Variants in SLC16A9 observed in about 807,000 individuals in gnomAD.
The protein encoded by SLC16A9 is monocarboxylate transporter 9.
A neutral mutation model predicts 44.3 loss-of-function variants in SLC16A9; 26 were observed. The ratio of observed to expected loss-of-function variants is 0.59; its 90% CI spans 0.43 to 0.81. The LOEUF (loss-of-function observed/expected upper bound fraction) is 0.81, where lower values mean the gene tolerates loss of function less well. SLC16A9 is among the 40% of genes least tolerant of loss of function. SLC16A9 has a pLI of 0.00. For missense variants in SLC16A9, 559 were observed against 595.8 expected (o/e 0.94, Z 0.64); for synonymous variants, 230 against 225.1 (o/e 1.02, Z -0.19).
chr10:59,701,164 C>T (rs1334794720), intron 1 of SLC16A9, among the ~76,000 whole-genome samples: 2 of 152,336 alleles, frequency 1.3e-5, no homozygotes, highest in East Asian at 3.9e-4. Context: ...AAAGCCTCCA[C>T]TTCATTGCAT....
At chr10:59,684,037 T>G in intron 2 of SLC16A9, 59 bp downstream of exon 2, 1 of 1,390,670 alleles carries the variant, frequency 7.2e-7, no homozygotes, top group Non-Finnish European at 9.9e-7. Flanking sequence ...ATGTTCATGA[T>G]GTAGTAAATG....
intron 1 of SLC16A9, among the ~76,000 whole-genome samples, chr10:59,695,778 A>G (rs1471192122): frequency 1.3e-5 from 2 of 152,232 alleles, no homozygotes; most frequent in Non-Finnish European, 2.9e-5. Context: ...AATCTGAACA[A>G]TGAGAAAAAA....
chr10:59,678,546 C>CTTTTTTTTTTCTTTTTTTTTT (rs751112027), intron 2 of SLC16A9, among the ~76,000 whole-genome samples: 1 of 30,620 alleles, frequency 3.3e-5, no homozygotes, highest in Non-Finnish European at 7.1e-5. Flanking sequence ...TTTTCTTTTT[C>CTTTTTTTTTTCTTTTTTTTTT]TTTTTTTTGA....
chr10:59,652,824 A>T lies in SLC16A9; in HGVS notation c.1478T>A (p.Leu493His). Residue 493 changes from leucine to histidine, a missense_variant, in exon 6 of 6, where the codon CTC becomes CAC. Transcript: ENST00000395348. The part of the protein sequence containing the change: ...LPSWDTCNKQ[L>H]PKPAPTTFLY... ...GAAAGTTGTTGGAGCTGGCTTGGGG[A>T]GTTGCTTGTTGCATGTATCCCAAGA... 1 of 1,613,918 alleles carries T rather than the reference A, an allele frequency of 6.2e-7. No homozygotes were observed. The highest frequency in any genetic ancestry group is 1.3e-5 in the African/African-American group (1 of 75,030).
At chr10:59,707,940 T>G (rs2132562346) in intron 1 of SLC16A9, among the ~76,000 whole-genome samples, 1 of 152,350 alleles carries the variant, frequency 6.6e-6, no homozygotes, top group East Asian at 1.9e-4. Context: ...TGTCTTGATC[T>G]ACCTCCCCAT....
At chr10:59,684,021 T>C (rs1840076693) in intron 2 of SLC16A9, 75 bp downstream of exon 2, 2 of 1,256,202 alleles carry the variant, frequency 1.6e-6, no homozygotes, top group Admixed American at 2.2e-5. Context: ...CTCTCTGCCT[T>C]GCACAATGTT....
chr10:59,666,518 G>C (rs1225265851), intron 3 of SLC16A9, among the ~76,000 whole-genome samples: 1 of 152,094 alleles, frequency 6.6e-6, no homozygotes, highest in East Asian at 1.9e-4. Flanking sequence ...TGGTGCAAAA[G>C]AGATGCTGAG....
intron 1 of SLC16A9, among the ~76,000 whole-genome samples, chr10:59,698,151 T>C (rs1840443392): frequency 6.6e-6 from 1 of 152,232 alleles, no homozygotes; most frequent in Non-Finnish European, 1.5e-5. Flanking sequence ...AACTGGTTAC[T>C]GGATTATTTA....
chr10:59,684,075 G>C, intron 2 of SLC16A9, 21 bp downstream of exon 2: 1 of 1,590,840 alleles, frequency 6.3e-7, no homozygotes, highest in East Asian at 2.2e-5. Context: ...AGTAAAGAGA[G>C]GCATTAATTT....
chr10:59,672,954 C>T (rs1839786587), intron 2 of SLC16A9, 41 bp from the exon 3 acceptor site: 1 of 1,562,278 alleles, frequency 6.4e-7, no homozygotes, highest in Non-Finnish European at 8.7e-7. Context: ...ATCATATGAT[C>T]CATCCATCAT....
intron 4 of SLC16A9, among the ~76,000 whole-genome samples, chr10:59,656,731 A>G (rs1218112127): frequency 6.6e-6 from 1 of 152,322 alleles, no homozygotes; most frequent in East Asian, 1.9e-4. Flanking sequence ...AAATATAGCC[A>G]TGGTGGTTTG....
intron 1 of SLC16A9, among the ~76,000 whole-genome samples, chr10:59,694,042 A>G (rs1419530126): frequency 6.6e-6 from 1 of 151,690 alleles, no homozygotes; most frequent in Non-Finnish European, 1.5e-5. Context: ...GGTTCAGGCC[A>G]TTCTCCTGCC....
chr10:59,673,914 C>T (rs1450476708), intron 2 of SLC16A9, among the ~76,000 whole-genome samples: 1 of 152,138 alleles, frequency 6.6e-6, no homozygotes, highest in African/African-American at 2.4e-5. Flanking sequence ...AAATGAAAGA[C>T]ACCCAACATA....
rs1186125956 is a variant in SLC16A9, at chr10:59,681,464, G to GTATGTA, written c.196+2626_196+2631dup. Among the ~76,000 whole-genome samples the GTATGTA allele has an allele frequency of 7.4e-3, 25 of 3,392 alleles. 10 individuals carry two copies. The highest frequency in any genetic ancestry group is 8.6e-3 in the African/African-American group (23 of 2,688). The allele number at this position is 3,392 out of a possible 152,430, so 2.2% of individuals were successfully genotyped here. On this transcript the variant is annotated intron_variant, in intron 2 of 5. Transcript: ENST00000395348. ...TATATGTATATGTGTATGTGTATGT[G>GTATGTA]TATGTATATGTATATGTATATGTAT...
At position 59,694,801 on chromosome 10, in the gene SLC16A9, A is replaced by AATATATATATGT. The variant is rs527951124; in HGVS notation, c.-36-10475_-36-10474insACATATATATAT. Among the ~76,000 whole-genome samples the AATATATATATGT allele has an allele frequency of 2.8e-5, 2 of 72,462 alleles. 1 individual carries two copies. Among genetic ancestry groups the AATATATATATGT allele is most frequent in the Non-Finnish European group, 6.4e-5 (2 of 31,032 alleles). 47.5% of individuals were successfully genotyped at this position (72,462 alleles called of 152,430 possible). ...GGTAACAGAGCGAGACTCCATCTCA[A>AATATATATATGT]ATATATATATATATATACACACACA... is the stretch of plus-strand genomic sequence containing the variant. On this transcript the variant is annotated intron_variant, in intron 1 of 5. Coordinates refer to ENST00000395348, the MANE Select transcript of SLC16A9 (RefSeq NM_194298.3).
chr10:59,653,075 C>T, intron 5 of SLC16A9, 125 bp from the exon 6 acceptor site: 3 of 642,254 alleles, frequency 4.7e-6, no homozygotes, highest in Non-Finnish European at 7.1e-6. Context: ...CTACTTCCAG[C>T]GTGGTTTACT....
rs1352158445 is a variant in SLC16A9 at position 59,681,717 on chromosome 10, TATG to T, written c.196+2376_196+2378del. Among the ~76,000 whole-genome samples, 56 of 10,118 alleles carry T rather than the reference TATG, an allele frequency of 5.5e-3. 4 individuals carry two copies. The East Asian group carries it at 0.08, about 14-fold the overall frequency. The allele number at this position is 10,118 out of a possible 152,430, so 6.6% of individuals were successfully genotyped here. A position where few individuals can be genotyped will look rare whatever the true frequency, so the allele number is the denominator to read the frequency against. ...ATATATATATGTATATGTATATGTA[TATG>T]ATGTATATGTATATGTATATGATGT... On this transcript the variant is annotated intron_variant, in intron 2 of 5. Coordinates refer to ENST00000395348, the MANE Select transcript of SLC16A9 (RefSeq NM_194298.3).
At chr10:59,689,162 A>C (rs1231574688) in intron 1 of SLC16A9, among the ~76,000 whole-genome samples, 1 of 152,180 alleles carries the variant, frequency 6.6e-6, no homozygotes, top group Non-Finnish European at 1.5e-5. Context: ...TCAGAGTTTA[A>C]GATACATGTA....
intron 1 of SLC16A9, among the ~76,000 whole-genome samples, chr10:59,696,071 C>T (rs1461787436): frequency 2.0e-5 from 3 of 147,214 alleles, no homozygotes; most frequent in Admixed American, 6.7e-5. Flanking sequence ...AAAGCCCTCT[C>T]CCCTCTCCCC....
Sources: gnomAD v4.1 joint callset for allele counts (sites outside exome capture counted in the v4.1 genomes callset) on GRCh38, gnomAD v4.1.1 for gene constraint, MANE v1.5 for transcripts, NCBI Gene and HGNC (gene_info 2026-07-23, HGNC 2026-07-21) for gene names.